LYSMD1: variants seen among roughly 807,000 people sequenced by gnomAD.
The protein encoded by LYSMD1 is lysM and putative peptidoglycan-binding domain-containing protein 1.
Under a neutral mutation model 19.3 loss-of-function variants are expected in LYSMD1, and 9 were observed. The ratio of observed to expected loss-of-function variants is 0.47; its 90% CI spans 0.28 to 0.81. The LOEUF is 0.81. Among genes scored for constraint, LYSMD1 ranks in the 40% least tolerant of loss-of-function variants. The pLI, the probability that LYSMD1 is intolerant of heterozygous loss-of-function variation, is 0.11. For synonymous variants in LYSMD1, 111 were observed against 111.7 expected, an observed-to-expected ratio of 0.99 and a Z score of 0.04; for missense variants, 262 against 279.8, an observed-to-expected ratio of 0.94 and a Z score of 0.45.
rs1683367562 is a variant in LYSMD1 at position 151,159,840 on chromosome 1, C to T, written c.*1042G>A. The T allele has an allele frequency of 1.2e-5, 2 of 167,310 alleles. No individual in the cohort carries two copies. The highest frequency in any genetic ancestry group is 6.5e-5 in the Admixed American group (1 of 15,318). 10.4% of individuals were successfully genotyped at this position (167,310 alleles called of 1,614,324 possible). A position where few individuals can be genotyped will look rare whatever the true frequency, so the allele number is the denominator to read the frequency against. On this transcript the variant is annotated 3_prime_UTR_variant, in exon 3 of 3. Transcript: ENST00000368908. ...TATATAAACATTACTTATCTCACCT[C>T]TCATCATTTCCAAACAGGAGACTGA...
At chr1:151,152,018 G>A in the LYSMD1 span, among the ~76,000 whole-genome samples, 2 of 151,236 alleles carry the variant, frequency 1.3e-5, no homozygotes, top group African/African-American at 4.9e-5. Context: ...GTAAGTAGAG[G>A]AAGAAATAAA....
Position 151,165,884 on chromosome 1 carries a change from G to T in LYSMD1, c.-626C>A, listed in dbSNP as rs1386134967. On this transcript the variant is annotated 5_prime_UTR_variant, in exon 1 of 3. Coordinates refer to ENST00000368908, the MANE Select transcript of LYSMD1 (RefSeq NM_212551.5). Reference sequence around the variant, plus strand: ...GCAAGGGCCTGGATCCAGTTGAGCGGCAAGGTCTTTGAGAAAAGACTTCAT... The same window carrying T: ...GCAAGGGCCTGGATCCAGTTGAGCGTCAAGGTCTTTGAGAAAAGACTTCAT... The T allele has an allele frequency of 7.6e-6, 8 of 1,056,248 alleles. No homozygotes were observed. Among genetic ancestry groups the T allele is most frequent in the African/African-American group, 4.8e-5 (3 of 62,904 alleles). The allele number at this position is 1,056,248 out of a possible 1,614,324, so 65.4% of individuals were successfully genotyped here.
chr1:151,151,128 T>C, the LYSMD1 span, among the ~76,000 whole-genome samples: 1 of 152,132 alleles, frequency 6.6e-6, no homozygotes, highest in Admixed American at 6.6e-5. Context: ...TCTCTACCCA[T>C]TCTCATTGGT....
At chr1:151,163,267 T>G (rs1683516654) in intron 1 of LYSMD1, among the ~76,000 whole-genome samples, 1 of 151,702 alleles carries the variant, frequency 6.6e-6, no homozygotes, top group Non-Finnish European at 1.5e-5. Context: ...ATTGCTATAA[T>G]AATACATAAC....
In LYSMD1 at chr1:151,165,806, T is replaced by G. The variant is rs940555888; in HGVS notation, c.-548A>C. On this transcript the variant is annotated 5_prime_UTR_variant, in exon 1 of 3. Coordinates refer to ENST00000368908, the MANE Select transcript of LYSMD1 (RefSeq NM_212551.5). ...ATAAGATAGGTCACACCCTCAAATT[T>G]CGGCTCCACATCTAGGTTGTTGTCC... is the stretch of plus-strand genomic sequence containing the variant. 2 of 1,541,856 alleles carry G rather than the reference T, an allele frequency of 1.3e-6. No homozygotes were observed. The highest frequency in any genetic ancestry group is 1.8e-6 in the Non-Finnish European group (2 of 1,138,010).
At position 151,160,846 on chromosome 1, in the gene LYSMD1, T is replaced by C; in HGVS notation, c.*36A>G. Reference sequence around the variant, plus strand: ...CTCCTCTCCCCCTGAAGTTTCTCTTTCAACATCTTGCTTCTCTCAGTCAGT... The same window carrying C: ...CTCCTCTCCCCCTGAAGTTTCTCTTCCAACATCTTGCTTCTCTCAGTCAGT... On this transcript the variant is annotated 3_prime_UTR_variant, in exon 3 of 3. Transcript: ENST00000368908. 1.3e-6 allele frequency: 2 copies of C among 1,593,858 alleles called. No homozygotes were observed. The highest frequency in any genetic ancestry group is 1.7e-6 in the Non-Finnish European group (2 of 1,163,438).
intron 1 of LYSMD1, among the ~76,000 whole-genome samples, chr1:151,163,198 C>G (rs960859790): frequency 6.6e-6 from 1 of 152,032 alleles, no homozygotes; most frequent in African/African-American, 2.4e-5. Context: ...AACTTGTATT[C>G]ATCAACTATC....
Position 151,165,791 on chromosome 1 carries a change from T to A in LYSMD1, c.-533A>T, listed in dbSNP as rs1331001082. Reference sequence around the variant, plus strand: ...AAAGGTCCGCTCCGCATAAGATAGGTCACACCCTCAAATTTCGGCTCCACA... The same window carrying A: ...AAAGGTCCGCTCCGCATAAGATAGGACACACCCTCAAATTTCGGCTCCACA... On this transcript the variant is annotated 5_prime_UTR_variant, in exon 1 of 3. An upstream open reading frame in the 5' UTR loses its in-frame stop. Coordinates refer to ENST00000368908, the MANE Select transcript of LYSMD1 (RefSeq NM_212551.5). 6.4e-7 allele frequency: 1 copy of A among 1,550,642 alleles called. No homozygotes were observed. The highest frequency in any genetic ancestry group is 2.0e-5 in the Admixed American group (1 of 51,014).
At chr1:151,158,970 C>A, downstream of LYSMD1, 6 of 1,614,266 alleles carry the variant, frequency 3.7e-6, no homozygotes, top group Non-Finnish European at 5.1e-6. Context: ...CCCGCTTTCG[C>A]CAGAAGCTGC....
Position 151,161,748 on chromosome 1 carries a change from T to C in LYSMD1, c.533A>G (p.Lys178Arg). Residue 178 changes from lysine to arginine, a missense_variant, in exon 2 of 3, where the codon AAA becomes AGA. Coordinates refer to ENST00000368908, the MANE Select transcript of LYSMD1 (RefSeq NM_212551.5). ...ATTCAAGACTCACCCATTTTCCCCT[T>C]TTTTCAGCTTCTGAGCAGCAGCCTT... ...SKKAAAQKLK[K>R]GENGVPGEDA... is the part of the protein sequence containing the mutation. The C allele has an allele frequency of 1.9e-6, 3 of 1,609,812 alleles. No individual in the cohort carries two copies. The highest frequency in any genetic ancestry group is 1.7e-5 in the Admixed American group (1 of 58,292).
chr1:151,154,655 TC>T, the LYSMD1 span, among the ~76,000 whole-genome samples: 1 of 152,120 alleles, frequency 6.6e-6, no homozygotes, highest in African/African-American at 2.4e-5. Flanking sequence ...TTTTTTCTTT[TC>T]TTTTTTTGGA....
downstream of LYSMD1, among the ~76,000 whole-genome samples, chr1:151,156,469 T>A (rs1484122543): frequency 3.3e-5 from 5 of 152,236 alleles, no homozygotes; most frequent in African/African-American, 9.6e-5. Flanking sequence ...TGCAAATCCC[T>A]TTCCCCCCTT....
chr1:151,159,600 A>C, downstream of LYSMD1: 1 of 271,544 alleles, frequency 3.7e-6, no homozygotes, highest in Non-Finnish European at 7.7e-6. Flanking sequence ...AGCCCAGAGA[A>C]CCCCTTTGGG....
intron 1 of LYSMD1, among the ~76,000 whole-genome samples, chr1:151,163,568 G>A (rs1286951161): frequency 2.6e-5 from 4 of 151,596 alleles, no homozygotes; most frequent in Admixed American, 1.3e-4. Flanking sequence ...TCACTCTGTC[G>A]CCCAGCCTGG....
At chr1:151,158,660 T>A (rs894740112), downstream of LYSMD1, 3 of 1,511,174 alleles carry the variant, frequency 2.0e-6, 1 homozygote, top group East Asian at 6.8e-5. Flanking sequence ...GTGGCCTTTC[T>A]TCTAGTGACT....
downstream of LYSMD1, chr1:151,156,738 T>C (rs972613561): frequency 4.6e-5 from 7 of 152,224 alleles, no homozygotes; most frequent in African/African-American, 1.7e-4. Context: ...GGACCGGCAG[T>C]GACAGAATGG....
the LYSMD1 span, among the ~76,000 whole-genome samples, chr1:151,149,330 G>A: frequency 6.6e-6 from 1 of 152,110 alleles, no homozygotes; most frequent in Non-Finnish European, 1.5e-5. Context: ...CAGGTGACAG[G>A]AGATTGCAGT....
rs926798896 is a variant in LYSMD1 at position 151,165,350 on chromosome 1, G to A, written c.-92C>T. The A allele has an allele frequency of 6.5e-7, 1 of 1,529,508 alleles. No homozygotes were observed. The highest frequency in any genetic ancestry group is 8.8e-7 in the Non-Finnish European group (1 of 1,139,150). The allele number at this position is 1,529,508 out of a possible 1,614,324, so 94.7% of individuals were successfully genotyped here. On this transcript the variant is annotated 5_prime_UTR_variant, in exon 1 of 3. Transcript: ENST00000368908. ...CCTGAAGTCTGGGAATGAATATTCA[G>A]GGGATTCCTTTCCCCCTCTCTCTTC...
chr1:151,149,835 C>CT, the LYSMD1 span, among the ~76,000 whole-genome samples: 5 of 152,156 alleles, frequency 3.3e-5, no homozygotes, highest in Admixed American at 3.3e-4. Flanking sequence ...AAACTTCCTC[C>CT]TTTTTTTGCA....
Sources: gnomAD v4.1 joint callset for allele counts (sites outside exome capture counted in the v4.1 genomes callset) on GRCh38, gnomAD v4.1.1 for gene constraint, MANE v1.5 for transcripts, NCBI Gene and HGNC (gene_info 2026-07-23, HGNC 2026-07-21) for gene names.